Variants in PHF12 observed in about 807,000 individuals in gnomAD.
PHF12 encodes PHD factor 1.
A neutral mutation model predicts 99.8 loss-of-function variants in PHF12; 6 were observed. The observed-to-expected ratio is 0.06, with a 90% CI of 0.03 to 0.12. The LOEUF is 0.12. PHF12 is among the 10% of genes least tolerant of loss of function. The pLI, the probability that PHF12 is intolerant of heterozygous loss-of-function variation, is 1.00. For missense variants in PHF12, 954 were observed against 1,300.1 expected, an observed-to-expected ratio of 0.73 and a Z score of 4.09; for synonymous variants, 480 against 514.9, an observed-to-expected ratio of 0.93 and a Z score of 0.92.
chr17:28,920,973 A>G (rs189741548), intron 5 of PHF12, among the ~76,000 whole-genome samples: 1 of 150,876 alleles, frequency 6.6e-6, no homozygotes, highest in East Asian at 2.0e-4. Flanking sequence ...TCCCAGGTTC[A>G]TGCCATTCTC....
intron 4 of PHF12, among the ~76,000 whole-genome samples, chr17:28,923,645 G>A: frequency 2.6e-5 from 1 of 38,790 alleles, no homozygotes; most frequent in East Asian, 4.9e-4. Context: ...GTGACAAAGT[G>A]AGACTCACAA....
intron 7 of PHF12, among the ~76,000 whole-genome samples, chr17:28,914,733 C>T (rs1007109851): frequency 7.2e-6 from 1 of 138,184 alleles, no homozygotes; most frequent in East Asian, 2.2e-4. Context: ...TCATGATAAG[C>T]ACTCCATCAA....
At chr17:28,910,929 A>C in intron 10 of PHF12, 183 bp downstream of exon 10, 1 of 753,100 alleles carries the variant, frequency 1.3e-6, no homozygotes. Flanking sequence ...AGGCAGAGCT[A>C]CAGAAGGAGC....
rs2040166180 is a variant in PHF12 at position 28,921,583 on chromosome 17, T to C, written c.836+105A>G. On this transcript the variant is annotated intron_variant, in intron 5 of 14. Coordinates refer to ENST00000332830, the MANE Select transcript of PHF12 (RefSeq NM_001033561.2). The stretch of plus-strand genomic sequence containing the variant: ...TCTCCATGTACTCATACTATCAGAA[T>C]ATGGGCTGTTCACATTTAACATACA... The C allele has an allele frequency of 5.7e-6, 8 of 1,395,338 alleles. No homozygotes were observed. The Admixed American group carries it at 9.2e-5, about 16-fold the overall frequency. 86.4% of individuals were successfully genotyped at this position (1,395,338 alleles called of 1,614,324 possible).
rs1265584018 is a variant in PHF12, at chr17:28,951,145, C to G, written c.-185G>C. On this transcript the variant is annotated 5_prime_UTR_variant, in exon 1 of 15. Coordinates refer to ENST00000332830, the MANE Select transcript of PHF12 (RefSeq NM_001033561.2). ...AGTCCCCGGGACGACAGCGTCCTCCCGACGGGCCGCGAGGGGGGAGCGGCC... is the reference window on the plus strand; with the variant it reads ...AGTCCCCGGGACGACAGCGTCCTCCGGACGGGCCGCGAGGGGGGAGCGGCC... 7.0e-7 allele frequency: 1 copy of G among 1,430,074 alleles called. No individual in the cohort carries two copies. The allele number at this position is 1,430,074 out of a possible 1,614,324, so 88.6% of individuals were successfully genotyped here. A position where few individuals can be genotyped will look rare whatever the true frequency, so the allele number is the denominator to read the frequency against.
At position 28,951,330 on chromosome 17, in the gene PHF12, G is replaced by A. The variant is rs527392721; in HGVS notation, c.-370C>T. ...CCATCCCGGGGCTGGGGGTATCGGA[G>A]GGGGGGTGAGAGGTTACGTGAGGTT... On this transcript the variant is annotated 5_prime_UTR_variant, in exon 1 of 15. Transcript: ENST00000332830. 44 of 1,052,826 alleles carry A rather than the reference G, an allele frequency of 4.2e-5. 1 individual carries two copies. The East Asian group carries it at 3.1e-3, about 74-fold the overall frequency. The allele number at this position is 1,052,826 out of a possible 1,614,324, so 65.2% of individuals were successfully genotyped here. A position where few individuals can be genotyped will look rare whatever the true frequency, so the allele number is the denominator to read the frequency against.
intron 5 of PHF12, 111 bp from the exon 6 acceptor site, chr17:28,919,386 ATCCTAACATTCTCCCC>A: frequency 8.0e-6 from 1 of 124,296 alleles, no homozygotes; most frequent in Non-Finnish European, 1.5e-5. Flanking sequence ...CCCCTCCTTG[ATCCTAACATTCTCCCC>A]TATCTTCCTC....
chr17:28,914,457 G>C (rs1248715043), intron 7 of PHF12, among the ~76,000 whole-genome samples: 1 of 151,982 alleles, frequency 6.6e-6, no homozygotes, highest in Non-Finnish European at 1.5e-5. Context: ...AGGATCATGA[G>C]GTCAGGAGAT....
Position 28,913,190 on chromosome 17 carries a change from T to C in PHF12, c.1381A>G (p.Thr461Ala). The change falls in exon 9 of 15, where the codon ACA becomes GCA. Residue 461 changes from threonine to alanine, a missense_variant. This residue lies in a region of PHF12 where 392 missense variants were observed against 423.1 expected (regional missense o/e 0.93). Transcript: ENST00000332830. ...ACAGGCTTAATATCAGCCTTCTCTG[T>C]CTGTTCAGAGTCCCAATGCGAAGGC... Reference protein sequence around the residue: ...QMPSHWDSEQTEKADIKPVIV... With the variant: ...QMPSHWDSEQAEKADIKPVIV... 1 of 1,614,150 alleles carries C rather than the reference T, an allele frequency of 6.2e-7. No individual in the cohort carries two copies. The highest frequency in any genetic ancestry group is 8.5e-7 in the Non-Finnish European group (1 of 1,180,010).
At chr17:28,913,775 G>C (rs1265499299) in intron 8 of PHF12, 104 bp downstream of exon 8, 1 of 1,452,836 alleles carries the variant, frequency 6.9e-7, no homozygotes, top group African/African-American at 1.4e-5. Context: ...GGATGAGGGT[G>C]GGTGGGGACT....
At chr17:28,913,713 T>C (rs928609395) in intron 8 of PHF12, among the ~76,000 whole-genome samples, 166 bp downstream of exon 8, 4 of 151,530 alleles carry the variant, frequency 2.6e-5, no homozygotes, top group Non-Finnish European at 4.4e-5. Flanking sequence ...TTACTTGCCT[T>C]TGGGATTTGA....
Position 28,923,653 on chromosome 17 carries a change from C to CAAAAAAAAAAAAAAAAAAAAAAAA in PHF12, c.715+255_715+256insTTTTTTTTTTTTTTTTTTTTTTTT, listed in dbSNP as rs35263191. 7.8e-4 allele frequency among the ~76,000 whole-genome samples: 34 copies of CAAAAAAAAAAAAAAAAAAAAAAAA among 43,482 alleles called. 4 individuals carry two copies. The highest frequency in any genetic ancestry group is 1.3e-3 in the African/African-American group (14 of 10,380). The allele number at this position is 43,482 out of a possible 152,430, so 28.5% of individuals were successfully genotyped here. On this transcript the variant is annotated intron_variant, in intron 4 of 14. Coordinates refer to ENST00000332830, the MANE Select transcript of PHF12 (RefSeq NM_001033561.2). ...AGCCTGAGTGACAAAGTGAGACTCA[C>CAAAAAAAAAAAAAAAAAAAAAAAA]AAAAAAAAAAAAAAAAAAAAAAGGA...
At chr17:28,926,722 C>G (rs2040280535) in intron 3 of PHF12, 2 of 1,326,384 alleles carry the variant, frequency 1.5e-6, no homozygotes, top group Non-Finnish European at 2.0e-6. Context: ...AGGAGGACAA[C>G]AAGAAGGTAA....
chr17:28,928,927 C>T (rs2040336885), intron 2 of PHF12, among the ~76,000 whole-genome samples: 1 of 151,992 alleles, frequency 6.6e-6, no homozygotes, highest in African/African-American at 2.4e-5. Context: ...GAAACCCTGT[C>T]TCTACTAATA....
At position 28,917,465 on chromosome 17, in the gene PHF12, A is replaced by C; in HGVS notation, c.970-16T>G. ...TCTGGTTCAGCTAGGGACAAAGCAG[A>C]CACAACCTTGTGGTGAGCCTCAAAA... is the stretch of plus-strand genomic sequence containing the variant. On this transcript the variant is annotated splice_polypyrimidine_tract_variant and intron_variant, in intron 6 of 14. Coordinates refer to ENST00000332830, the MANE Select transcript of PHF12 (RefSeq NM_001033561.2). 1 of 1,589,794 alleles carries C rather than the reference A, an allele frequency of 6.3e-7. No homozygotes were observed. Among genetic ancestry groups the C allele is most frequent in the South Asian group, 1.2e-5 (1 of 86,654 alleles).
chr17:28,944,922 G>A (rs568258701), intron 2 of PHF12: 25 of 152,268 alleles, frequency 1.6e-4, no homozygotes, highest in African/African-American at 5.5e-4. Context: ...TCTATCACTT[G>A]CCTGATACTA....
At chr17:28,926,334 G>A (rs2040272949) in intron 3 of PHF12, 1 of 182,666 alleles carries the variant, frequency 5.5e-6, no homozygotes. Context: ...AGCACAGGGG[G>A]GTGGATTACA....
intron 7 of PHF12, among the ~76,000 whole-genome samples, chr17:28,915,813 C>T (rs1455140589): frequency 6.6e-6 from 1 of 152,194 alleles, no homozygotes; most frequent in East Asian, 1.9e-4. Context: ...ATTTCACTCT[C>T]AAACTGTCCA....
At position 28,927,011 on chromosome 17, in the gene PHF12, G is replaced by A. The variant is rs2040292308; in HGVS notation, c.301C>T (p.Arg101Trp). Residue 101 changes from arginine (R) to tryptophan (W), a missense_variant, in exon 3 of 15, where the codon CGG becomes TGG. Physicochemically the swap from Arg to Trp is moderately radical, Grantham distance 101. Coordinates refer to ENST00000332830, the MANE Select transcript of PHF12 (RefSeq NM_001033561.2). ...ATTACCTTTCGGCGAACAGTGCACC[G>A]GTGACACATCCACTCTCCAGGAGGC... ...MLPPGEWMCHRCTVRRKKREQ... is the reference protein window; with the variant it reads ...MLPPGEWMCHWCTVRRKKREQ... 4 of 1,614,018 alleles carry A rather than the reference G, an allele frequency of 2.5e-6. No homozygotes were observed. Among genetic ancestry groups the A allele is most frequent in the East Asian group, 4.5e-5 (2 of 44,896 alleles).
Sources: allele counts gnomAD v4.1 joint callset (sites outside exome capture counted in the v4.1 genomes callset), GRCh38; gene constraint gnomAD v4.1.1; regional missense constraint gnomAD v4.1.1; transcripts MANE v1.5; gene names NCBI Gene and HGNC (gene_info 2026-07-23, HGNC 2026-07-21).